KCNH7: variants seen among roughly 807,000 people sequenced by gnomAD.
KCNH7 encodes the protein voltage-gated inwardly rectifying potassium channel KCNH7.
Under a neutral mutation model 120.8 loss-of-function variants are expected in KCNH7, and 49 were observed. That is an observed-to-expected ratio of 0.41 (90% CI 0.32 to 0.51). The LOEUF is 0.51. Ranked by LOEUF, KCNH7 falls within the 20% of genes least tolerant of loss-of-function variation. The pLI is 0.38. For synonymous variants in KCNH7, 547 were observed against 516.1 expected (o/e 1.06, Z -0.81); for missense variants, 1,097 against 1,446.6 (o/e 0.76, Z 3.92).
chr2:162,477,110 C>A (rs1234378150), intron 6 of KCNH7, among the ~76,000 whole-genome samples: 1 of 152,114 alleles, frequency 6.6e-6, no homozygotes, highest in Non-Finnish European at 1.5e-5. Flanking sequence ...GTAAGAAAAA[C>A]AAGAGTGAAA....
intron 2 of KCNH7, among the ~76,000 whole-genome samples, chr2:162,710,750 G>C (rs1181202585): frequency 2.0e-5 from 3 of 152,114 alleles, no homozygotes; most frequent in Non-Finnish European, 4.4e-5. Context: ...CTGCTACTTA[G>C]CTTTGGTTGA....
At chr2:162,752,923 G>GAAA (rs1434142629) in intron 2 of KCNH7, among the ~76,000 whole-genome samples, 1 of 66,170 alleles carries the variant, frequency 1.5e-5, no homozygotes, top group Non-Finnish European at 2.7e-5. Context: ...GAAAAGAAAA[G>GAAA]AAAAGAAAAG....
At chr2:162,820,595 T>C (rs886883939) in intron 2 of KCNH7, among the ~76,000 whole-genome samples, 1 of 152,178 alleles carries the variant, frequency 6.6e-6, no homozygotes, top group Non-Finnish European at 1.5e-5. Flanking sequence ...AGGGAGAAGA[T>C]ATATAGTGGC....
chr2:162,431,504 T>C (rs1372617669), intron 8 of KCNH7, among the ~76,000 whole-genome samples: 1 of 151,950 alleles, frequency 6.6e-6, no homozygotes, highest in Admixed American at 6.6e-5. Flanking sequence ...TATTGCCAAA[T>C]TTCAAGTCTT....
intron 14 of KCNH7, among the ~76,000 whole-genome samples, chr2:162,375,791 G>T (rs1686147060): frequency 6.6e-6 from 1 of 151,512 alleles, no homozygotes; most frequent in Admixed American, 6.6e-5. Flanking sequence ...GTGCACCTGT[G>T]GTCCCGGCTA....
At chr2:162,593,988 G>C (rs753254113) in intron 2 of KCNH7, among the ~76,000 whole-genome samples, 103 of 152,102 alleles carry the variant, frequency 6.8e-4, no homozygotes, top group African/African-American at 2.4e-3. Context: ...GATGGCATTA[G>C]TAACATCACT....
chr2:162,471,969 C>T (rs1423510984), intron 6 of KCNH7, among the ~76,000 whole-genome samples: 4 of 152,054 alleles, frequency 2.6e-5, no homozygotes, highest in African/African-American at 9.7e-5. Context: ...ACAAACCTGA[C>T]AAAAACAAGA....
In KCNH7 at chr2:162,435,324, T is replaced by C. The variant is rs202130221; in HGVS notation, c.1828A>G (p.Ile610Val). Reference protein sequence around the residue: ...NDSDSSSGPSIKDKYVTALYF... With the variant: ...NDSDSSSGPSVKDKYVTALYF... ...AGTGCTGTGACGTATTTGTCTTTAA[T>C]GGATGGTCCAGAACTTGAGTCACTG... The change falls in exon 8 of 16, where the codon ATT becomes GTT. Residue 610 changes from isoleucine (I) to valine (V), a missense_variant. Transcript: ENST00000332142. 38 of 1,613,836 alleles carry C rather than the reference T, an allele frequency of 2.4e-5. No homozygotes were observed. Among genetic ancestry groups the C allele is most frequent in the Non-Finnish European group, 3.1e-5 (36 of 1,179,884 alleles).
At chr2:162,733,001 G>A (rs1687778808) in intron 2 of KCNH7, among the ~76,000 whole-genome samples, 1 of 152,110 alleles carries the variant, frequency 6.6e-6, no homozygotes, top group African/African-American at 2.4e-5. Flanking sequence ...AGCTTGTCTC[G>A]AAAATTTGGC....
rs114860704 is a variant in KCNH7 at position 162,786,386 on chromosome 2, C to T, written c.307+50151G>A. On this transcript the variant is annotated intron_variant, in intron 2 of 15. Coordinates refer to ENST00000332142, the MANE Select transcript of KCNH7 (RefSeq NM_033272.4). ...TTATGTAGCTACAATTACCCCTATC[C>T]TACAGATAAGAGAACATGCACAGAG... 1.6e-3 allele frequency among the ~76,000 whole-genome samples: 247 copies of T among 152,188 alleles called. 1 individual carries two copies. The highest frequency in any genetic ancestry group is 5.7e-3 in the African/African-American group (238 of 41,516).
chr2:162,633,100 A>T (rs1383085134), intron 2 of KCNH7, among the ~76,000 whole-genome samples: 1 of 151,968 alleles, frequency 6.6e-6, no homozygotes. Flanking sequence ...TTTACAATTC[A>T]TAAAGCTATA....
chr2:162,833,775 C>T (rs1307914523), intron 2 of KCNH7, among the ~76,000 whole-genome samples: 1 of 152,080 alleles, frequency 6.6e-6, no homozygotes, highest in East Asian at 1.9e-4. Flanking sequence ...GTTTAAATTG[C>T]TTATAAAGCC....
intron 2 of KCNH7, among the ~76,000 whole-genome samples, chr2:162,569,788 C>T (rs985099702): frequency 6.7e-6 from 1 of 148,254 alleles, no homozygotes; most frequent in Non-Finnish European, 1.5e-5. Context: ...TCGTTATGTA[C>T]CCAGTAGTCA....
rs142118494 is a variant in KCNH7 at position 162,692,945 on chromosome 2, C to CA, written c.307+143591dup. 2.2e-4 allele frequency among the ~76,000 whole-genome samples: 33 copies of CA among 151,166 alleles called. No individual in the cohort carries two copies. In the South Asian group the frequency reaches 2.3e-3, roughly 11 times the overall value. On this transcript the variant is annotated intron_variant, in intron 2 of 15. Coordinates refer to ENST00000332142, the MANE Select transcript of KCNH7 (RefSeq NM_033272.4). ...AGATACACCTTCTAAATAATCAAGA[C>CA]AAAAAAAACTAAAGTAAATAAAGGA...
intron 8 of KCNH7, among the ~76,000 whole-genome samples, chr2:162,433,528 A>G (rs1688139278): frequency 6.6e-6 from 1 of 152,136 alleles, no homozygotes; most frequent in Non-Finnish European, 1.5e-5. Flanking sequence ...AGCAATGTAT[A>G]AAGGACTCCC....
Position 162,517,872 on chromosome 2 carries a change from G to A in KCNH7, c.750C>T (p.Asp250=), listed in dbSNP as rs758927059. 19 of 1,612,356 alleles carry A rather than the reference G, an allele frequency of 1.2e-5. No individual in the cohort carries two copies. Among genetic ancestry groups the A allele is most frequent in the Non-Finnish European group, 1.4e-5 (17 of 1,178,948 alleles). ...PKRQWDRLYP[D]MLQSSSQLSH... ...ACAGCTGGGAACTTGACTGCAGCATGTCAGGGTAGAGTCGGTCCCATTGCC... is the reference window on the plus strand; with the variant it reads ...ACAGCTGGGAACTTGACTGCAGCATATCAGGGTAGAGTCGGTCCCATTGCC... Residue 250 remains aspartate, a synonymous_variant, in exon 4 of 16, where the codon GAC becomes GAT. Coordinates refer to ENST00000332142, the MANE Select transcript of KCNH7 (RefSeq NM_033272.4).
At chr2:162,373,955 C>T (rs1013337505) in intron 14 of KCNH7, among the ~76,000 whole-genome samples, 37 of 152,154 alleles carry the variant, frequency 2.4e-4, no homozygotes, top group African/African-American at 8.7e-4. Context: ...ATGTAAAACA[C>T]ACTGACAATT....
chr2:162,567,175 T>C (rs768874537), intron 2 of KCNH7, among the ~76,000 whole-genome samples: 2 of 152,054 alleles, frequency 1.3e-5, no homozygotes, highest in Non-Finnish European at 2.9e-5. Context: ...TATAAAATGA[T>C]CACTTTAGTA....
intron 2 of KCNH7, among the ~76,000 whole-genome samples, chr2:162,653,232 T>C (rs1684629980): frequency 6.6e-6 from 1 of 152,220 alleles, no homozygotes; most frequent in Non-Finnish European, 1.5e-5. Flanking sequence ...AGTATGGTAC[T>C]GGAAGTCCTA....
Sources: gnomAD v4.1 joint callset for allele counts (sites outside exome capture counted in the v4.1 genomes callset) on GRCh38, gnomAD v4.1.1 for gene constraint, MANE v1.5 for transcripts, NCBI Gene and HGNC (gene_info 2026-07-23, HGNC 2026-07-21) for gene names.